The following ZNF729 variants were observed in gnomAD, a reference collection of about 807,000 sequenced individuals.
The protein encoded by ZNF729 is zinc finger protein 729.
A neutral mutation model predicts 12.2 loss-of-function variants in ZNF729; 15 were observed. That is an observed-to-expected ratio of 1.23 (90% CI 0.82 to 1.89). The LOEUF (loss-of-function observed/expected upper bound fraction) is 1.89, where lower values mean the gene tolerates loss of function less well. Ranked by LOEUF, ZNF729 falls within the 40% of genes most tolerant of loss-of-function variation. The pLI, the probability that ZNF729 is intolerant of heterozygous loss-of-function variation, is 0.00. For synonymous variants in ZNF729, 492 were observed against 476.3 expected (o/e 1.03, Z -0.43); for missense variants, 1,540 against 1,456.7 (o/e 1.06, Z -0.93).
chr19:22,289,057 CA>C (rs1968118545), intron 1 of ZNF729, among the ~76,000 whole-genome samples: 2 of 151,874 alleles, frequency 1.3e-5, no homozygotes, highest in African/African-American at 4.8e-5. Context: ...GAGTCAGACA[CA>C]TCTGTACCTT....
chr19:22,314,207 T>C lies in ZNF729; in HGVS notation c.790T>C (p.Phe264Leu). The change falls in exon 4 of 4, where the codon TTC (phenylalanine) becomes CTC (leucine). Residue 264 changes from phenylalanine (F) to leucine (L), a missense_variant. Transcript: ENST00000601693. ...GAGAATTCATACTGGAGAGACACCT[T>C]TCAGATGTGAAGAATGTGGCAAAGC... Reference protein sequence around the residue: ...HKRIHTGETPFRCEECGKAFN... With the variant: ...HKRIHTGETPLRCEECGKAFN... The C allele has an allele frequency of 6.2e-7, 1 of 1,601,666 alleles. No individual in the cohort carries two copies. The highest frequency in any genetic ancestry group is 8.5e-7 in the Non-Finnish European group (1 of 1,174,500).
chr19:22,314,112 A>C lies in ZNF729; in HGVS notation c.695A>C (p.Glu232Ala), dbSNP rs532057714. Residue 232 changes from glutamate (E) to alanine (A), a missense_variant, in exon 4 of 4, where the codon GAA (glutamate) becomes GCA (alanine). By Grantham distance (107) the Glu-to-Ala change is moderately radical (BLOSUM62 -1). Coordinates refer to ENST00000601693, the MANE Select transcript of ZNF729 (RefSeq NM_001242680.2). ...TLTKHKIIHT[E>A]DKPYKYKKCG... is the part of the protein sequence containing the mutation. ...ACTAAACATAAGATAATTCATACTGAAGACAAACCTTACAAATATAAGAAA... is the reference window on the plus strand; with the variant it reads ...ACTAAACATAAGATAATTCATACTGCAGACAAACCTTACAAATATAAGAAA... The C allele has an allele frequency of 3.2e-6, 5 of 1,549,926 alleles. No homozygotes were observed. The highest frequency in any genetic ancestry group is 1.7e-4 in the Middle Eastern group (1 of 5,970).
chr19:22,315,690 A>G lies in ZNF729; in HGVS notation c.2273A>G (p.His758Arg), dbSNP rs768103519. Residue 758 changes from histidine (H) to arginine (R), a missense_variant, in exon 4 of 4, where the codon CAT (histidine) becomes CGT (arginine). Physicochemically the swap from His to Arg is conservative, Grantham distance 29. Coordinates refer to ENST00000601693, the MANE Select transcript of ZNF729 (RefSeq NM_001242680.2). ...AAGCATTTCTCAGCCCTTAGAAAAC[A>G]TAAGGTAATTCATACTAGGGAGAAA... ...SFKHFSALRK[H>R]KVIHTREKLY... is the part of the protein sequence containing the mutation. 3 of 1,607,166 alleles carry G rather than the reference A, an allele frequency of 1.9e-6. No homozygotes were observed. Among genetic ancestry groups the G allele is most frequent in the African/African-American group, 1.3e-5 (1 of 74,798 alleles).
intron 3 of ZNF729, among the ~76,000 whole-genome samples, chr19:22,305,484 T>A (rs1350396308): frequency 1.3e-5 from 2 of 152,110 alleles, no homozygotes; most frequent in Non-Finnish European, 2.9e-5. Flanking sequence ...TTGTCAATAT[T>A]TATGTATTTT....
chr19:22,300,297 C>T (rs1030112752), intron 1 of ZNF729, among the ~76,000 whole-genome samples: 2 of 152,152 alleles, frequency 1.3e-5, no homozygotes, highest in Non-Finnish European at 2.9e-5. Flanking sequence ...GAACTAATTA[C>T]GGTTACTGTC....
At position 22,316,734 on chromosome 19, in the gene ZNF729, G is replaced by A; in HGVS notation, c.3317G>A (p.Cys1106Tyr). ...VIHTGKKPYQ[C>Y]DECGKAFNNS... ...CATACTGGAAAGAAACCCTACCAAT[G>A]TGACGAATGTGGCAAAGCTTTTAAC... Residue 1106 changes from cysteine (C) to tyrosine (Y), a missense_variant, in exon 4 of 4, where the codon TGT (cysteine) becomes TAT (tyrosine). Coordinates refer to ENST00000601693, the MANE Select transcript of ZNF729 (RefSeq NM_001242680.2). 6.2e-7 allele frequency: 1 copy of A among 1,612,746 alleles called. No individual in the cohort carries two copies. Among genetic ancestry groups the A allele is most frequent in the Non-Finnish European group, 8.5e-7 (1 of 1,179,702 alleles).
chr19:22,308,704 A>G (rs1191634099), intron 3 of ZNF729, among the ~76,000 whole-genome samples: 1 of 151,690 alleles, frequency 6.6e-6, no homozygotes, highest in Non-Finnish European at 1.5e-5. Flanking sequence ...TCCTTAGCTC[A>G]GTTTTGATGG....
chr19:22,302,997 G>C (rs988706071), intron 1 of ZNF729, among the ~76,000 whole-genome samples: 1 of 152,038 alleles, frequency 6.6e-6, no homozygotes, highest in Non-Finnish European at 1.5e-5. Context: ...CTGGTCTTGA[G>C]CTCCTGACCT....
At position 22,316,539 on chromosome 19, in the gene ZNF729, T is replaced by C; in HGVS notation, c.3122T>C (p.Ile1041Thr). The change falls in exon 4 of 4, where the codon ATT (isoleucine) becomes ACT (threonine). Residue 1041 changes from isoleucine (I) to threonine (T), a missense_variant. By Grantham distance (89) the Ile-to-Thr change is moderately conservative. Coordinates refer to ENST00000601693, the MANE Select transcript of ZNF729 (RefSeq NM_001242680.2). ...TCAGCCCTTATGAAACATAAGATAA[T>C]TCATACTGGGGAGAAACCCTACAAA... ...NFSALMKHKI[I>T]HTGEKPYKCE... 6.2e-7 allele frequency: 1 copy of C among 1,613,708 alleles called. No homozygotes were observed. Among genetic ancestry groups the C allele is most frequent in the Non-Finnish European group, 8.5e-7 (1 of 1,179,782 alleles).
At chr19:22,292,276 A>C (rs1190513256) in intron 1 of ZNF729, among the ~76,000 whole-genome samples, 1 of 152,152 alleles carries the variant, frequency 6.6e-6, no homozygotes, top group Non-Finnish European at 1.5e-5. Context: ...CTTACTAATA[A>C]ATGAGAACAT....
At chr19:22,296,307 G>A (rs567549127) in intron 1 of ZNF729, among the ~76,000 whole-genome samples, 2 of 152,222 alleles carry the variant, frequency 1.3e-5, no homozygotes, top group Admixed American at 6.5e-5. Context: ...TTTGGAATTT[G>A]TTATTGGTCT....
Position 22,315,255 on chromosome 19 carries a change from C to T in ZNF729, c.1838C>T (p.Ser613Leu), listed in dbSNP as rs1426677121. 8 of 1,612,566 alleles carry T rather than the reference C, an allele frequency of 5.0e-6. No homozygotes were observed. The highest frequency in any genetic ancestry group is 5.9e-6 in the Non-Finnish European group (7 of 1,179,484). ...EECGKAFNNS[S>L]ILAKHKIIHT... Reference sequence around the variant, plus strand: ...TGTGGCAAAGCTTTTAACAATTCCTCAATCCTTGCTAAACATAAGATAATT... The same window carrying T: ...TGTGGCAAAGCTTTTAACAATTCCTTAATCCTTGCTAAACATAAGATAATT... The change falls in exon 4 of 4, where the codon TCA becomes TTA. Residue 613 changes from serine (S) to leucine (L), a missense_variant. By Grantham distance (145) the Ser-to-Leu change is moderately radical. Coordinates refer to ENST00000601693, the MANE Select transcript of ZNF729 (RefSeq NM_001242680.2).
intron 3 of ZNF729, among the ~76,000 whole-genome samples, chr19:22,312,125 A>AT (rs1424932652): frequency 6.6e-6 from 1 of 151,684 alleles, no homozygotes; most frequent in Non-Finnish European, 1.5e-5. Flanking sequence ...ATTTTTTTCA[A>AT]TTTTTTATAG....
At position 22,314,212 on chromosome 19, in the gene ZNF729, A is replaced by T. The variant is rs1413324552; in HGVS notation, c.795A>T (p.Arg265Ser). The change falls in exon 4 of 4, where the codon AGA becomes AGT. Residue 265 changes from arginine to serine, a missense_variant. Transcript: ENST00000601693. ...KRIHTGETPF[R>S]CEECGKAFNQ... Reference sequence around the variant, plus strand: ...TTCATACTGGAGAGACACCTTTCAGATGTGAAGAATGTGGCAAAGCTTTTA... The same window carrying T: ...TTCATACTGGAGAGACACCTTTCAGTTGTGAAGAATGTGGCAAAGCTTTTA... 5 of 1,603,100 alleles carry T rather than the reference A, an allele frequency of 3.1e-6. No individual in the cohort carries two copies. The highest frequency in any genetic ancestry group is 1.7e-4 in the Middle Eastern group (1 of 6,060).
rs1453890244 is a variant in ZNF729, at chr19:22,314,814, G to A, written c.1397G>A (p.Gly466Asp). 1 of 1,613,472 alleles carries A rather than the reference G, an allele frequency of 6.2e-7. No homozygotes were observed. Among genetic ancestry groups the A allele is most frequent in the African/African-American group, 1.3e-5 (1 of 74,836 alleles). The change falls in exon 4 of 4, where the codon GGC (glycine) becomes GAC (aspartate). Residue 466 changes from glycine (G) to aspartate (D), a missense_variant. By Grantham distance (94) the Gly-to-Asp change is moderately conservative. Coordinates refer to ENST00000601693, the MANE Select transcript of ZNF729 (RefSeq NM_001242680.2). Reference sequence around the variant, plus strand: ...AAACCATACAAATGTGAAGAATGTGGCAAAGCTTTTAGGCAATCCTCACAC... The same window carrying A: ...AAACCATACAAATGTGAAGAATGTGACAAAGCTTTTAGGCAATCCTCACAC... ...GEKPYKCEECGKAFRQSSHLT... is the reference protein window; with the variant it reads ...GEKPYKCEECDKAFRQSSHLT...
intron 2 of ZNF729, among the ~76,000 whole-genome samples, 151 bp downstream of exon 2, chr19:22,304,035 ATTTTTT>A (rs34014506): frequency 3.1e-5 from 4 of 129,444 alleles, no homozygotes; most frequent in African/African-American, 8.5e-5. Flanking sequence ...GTAGAAAGGA[ATTTTTT>A]TTTTTTTTTT....
At chr19:22,300,990 C>T in intron 1 of ZNF729, among the ~76,000 whole-genome samples, 1 of 152,100 alleles carries the variant, frequency 6.6e-6, no homozygotes, top group East Asian at 1.9e-4. Context: ...TTTGGTTGTC[C>T]AACTTATAGA....
At chr19:22,303,111 A>T (rs1568574036) in intron 1 of ZNF729, among the ~76,000 whole-genome samples, 1 of 152,128 alleles carries the variant, frequency 6.6e-6, no homozygotes, top group Non-Finnish European at 1.5e-5. Context: ...TGCACCAGTG[A>T]TCACATTTAA....
chr19:22,294,657 C>CTTTTTTT (rs71180535), intron 1 of ZNF729, among the ~76,000 whole-genome samples: 234 of 92,372 alleles, frequency 2.5e-3, no homozygotes, highest in Non-Finnish European at 3.1e-3. Context: ...TTTTCTTTTT[C>CTTTTTTT]TTTTTTTTTT....
Sources: allele counts gnomAD v4.1 joint callset (sites outside exome capture counted in the v4.1 genomes callset), GRCh38; gene constraint gnomAD v4.1.1; transcripts MANE v1.5; gene names NCBI Gene and HGNC (gene_info 2026-07-23, HGNC 2026-07-21).